DNAH14: variants seen among roughly 807,000 people sequenced by gnomAD.
DNAH14 encodes axonemal beta dynein heavy chain 14.
A neutral mutation model predicts 520.9 loss-of-function variants in DNAH14; 478 were observed. That is an observed-to-expected ratio of 0.92 (90% CI 0.85 to 0.99). DNAH14 has a LOEUF of 0.99. Among genes scored for constraint, DNAH14 ranks in the 50% least tolerant of loss-of-function variants. The pLI, the probability that DNAH14 is intolerant of heterozygous loss-of-function variation, is 0.00. For missense variants in DNAH14, 4,831 were observed against 5,234.5 expected (o/e 0.92, Z 2.38); for synonymous variants, 1,581 against 1,757.2 (o/e 0.90, Z 2.51).
chr1:225,296,474 C>A (rs2094008959), intron 55 of DNAH14, among the ~76,000 whole-genome samples: 1 of 148,926 alleles, frequency 6.7e-6, no homozygotes, highest in Non-Finnish European at 1.5e-5. Flanking sequence ...TTTTGTGTAT[C>A]CTTCCTCTCT....
At chr1:224,964,262 T>C (rs535294996) in intron 4 of DNAH14, among the ~76,000 whole-genome samples, 3 of 152,274 alleles carry the variant, frequency 2.0e-5, no homozygotes, top group African/African-American at 7.2e-5. Context: ...ATTAGGTCTT[T>C]TGTGACATCT....
intron 15 of DNAH14, among the ~76,000 whole-genome samples, chr1:225,049,252 G>T (rs952192176): frequency 6.6e-6 from 1 of 151,208 alleles, no homozygotes; most frequent in African/African-American, 2.4e-5. Context: ...TAGTAGAGAC[G>T]GGGTTTCACC....
chr1:225,260,622 C>A (rs751026172), intron 46 of DNAH14, among the ~76,000 whole-genome samples: 6 of 151,828 alleles, frequency 4.0e-5, no homozygotes, highest in Non-Finnish European at 7.4e-5. Context: ...TTTTCCCCCC[C>A]TCAAGATTGC....
At chr1:225,105,098 T>C (rs746657723) in intron 23 of DNAH14, among the ~76,000 whole-genome samples, 1 of 152,224 alleles carries the variant, frequency 6.6e-6, no homozygotes, top group Non-Finnish European at 1.5e-5. Flanking sequence ...TTAGTTCTCA[T>C]TGGTTTCAAA....
At chr1:225,277,311 T>C in intron 53 of DNAH14, 99 bp from the exon 54 acceptor site, 1 of 397,594 alleles carries the variant, frequency 2.5e-6, no homozygotes, top group South Asian at 2.0e-5. Context: ...GGATTACTAG[T>C]TATTCTCCTT....
chr1:225,375,750 CT>C (rs57680981), intron 78 of DNAH14, among the ~76,000 whole-genome samples: 143 of 144,378 alleles, frequency 9.9e-4, no homozygotes, highest in East Asian at 1.4e-3. Flanking sequence ...GCTATGAGGG[CT>C]TTTTTTTTTT....
intron 35 of DNAH14, among the ~76,000 whole-genome samples, chr1:225,162,665 G>T (rs2081628789): frequency 6.6e-6 from 1 of 152,172 alleles, no homozygotes; most frequent in Non-Finnish European, 1.5e-5. Context: ...TGGAATCCAT[G>T]AACATGGAAT....
At chr1:225,154,189 G>T (rs1009056170) in intron 34 of DNAH14, among the ~76,000 whole-genome samples, 1 of 151,790 alleles carries the variant, frequency 6.6e-6, no homozygotes, top group Non-Finnish European at 1.5e-5. Flanking sequence ...AAACAGGATT[G>T]AAAGAAATGA....
At chr1:224,973,737 A>T (rs1323206949) in intron 7 of DNAH14, among the ~76,000 whole-genome samples, 1 of 152,198 alleles carries the variant, frequency 6.6e-6, no homozygotes, top group Non-Finnish European at 1.5e-5. Flanking sequence ...TTATCACTGA[A>T]AATTGAATCT....
intron 77 of DNAH14, among the ~76,000 whole-genome samples, chr1:225,368,508 G>A (rs1254757999): frequency 6.6e-6 from 1 of 152,172 alleles, no homozygotes; most frequent in Non-Finnish European, 1.5e-5. Context: ...GTTTAGCTCA[G>A]TGGTCTTCCT....
Position 225,272,078 on chromosome 1 carries a change from G to A in DNAH14, c.7839+5G>A. ...AATCTTCGAGATATGTTTAAGGTTTGTTTTAATGTTCATTCTCTAGTTTAT... is the reference window on the plus strand; with the variant it reads ...AATCTTCGAGATATGTTTAAGGTTTATTTTAATGTTCATTCTCTAGTTTAT... On this transcript the variant is annotated splice_donor_5th_base_variant and intron_variant, in intron 51 of 85. Transcript: ENST00000682510. The A allele has an allele frequency of 6.5e-7, 1 of 1,544,280 alleles. No homozygotes were observed.
intron 8 of DNAH14, among the ~76,000 whole-genome samples, chr1:224,999,229 G>A (rs1434290422): frequency 6.6e-6 from 1 of 151,832 alleles, no homozygotes; most frequent in African/African-American, 2.4e-5. Context: ...TTTTTGAGAT[G>A]GAATTTCACT....
intron 17 of DNAH14, among the ~76,000 whole-genome samples, chr1:225,052,764 T>G (rs989797285): frequency 1.5e-4 from 22 of 151,700 alleles, no homozygotes; most frequent in African/African-American, 5.1e-4. Context: ...ATTGCAGGAG[T>G]AGGTTGATTT....
chr1:225,386,616 C>A (rs1212142675), intron 81 of DNAH14, among the ~76,000 whole-genome samples: 6 of 152,280 alleles, frequency 3.9e-5, no homozygotes, highest in East Asian at 3.9e-4. Flanking sequence ...ATGCAGCCAA[C>A]AGACACATGA....
chr1:225,023,361 TGTC>T (rs2065861702), intron 10 of DNAH14, among the ~76,000 whole-genome samples: 1 of 149,602 alleles, frequency 6.7e-6, no homozygotes, highest in African/African-American at 2.5e-5. Flanking sequence ...TAGTCTCCTC[TGTC>T]TTTTTTTTTT....
chr1:224,963,566 T>C lies in DNAH14; in HGVS notation c.368-913T>C, dbSNP rs1352245197. 2.0e-5 allele frequency among the ~76,000 whole-genome samples: 3 copies of C among 152,304 alleles called. No individual in the cohort carries two copies. In the South Asian group the frequency reaches 6.2e-4, roughly 32 times the overall value. On this transcript the variant is annotated intron_variant, in intron 4 of 85. Transcript: ENST00000682510. ...TTAGATTGGCTTATATACATAGTTATATTTCAAGACTCTAATTTTTTTCTA... is the reference window on the plus strand; with the variant it reads ...TTAGATTGGCTTATATACATAGTTACATTTCAAGACTCTAATTTTTTTCTA...
At chr1:224,999,178 T>C (rs1252487158) in intron 8 of DNAH14, among the ~76,000 whole-genome samples, 1 of 152,142 alleles carries the variant, frequency 6.6e-6, no homozygotes, top group Non-Finnish European at 1.5e-5. Context: ...AGCATATAGT[T>C]GTGCCATGGA....
intron 54 of DNAH14, among the ~76,000 whole-genome samples, chr1:225,285,535 ACT>A (rs990161750): frequency 2.6e-5 from 4 of 151,694 alleles, no homozygotes; most frequent in East Asian, 1.9e-4. Context: ...ATAGAGCGAG[ACT>A]CTGTCTCAAA....
chr1:225,130,815 TATAATA>T (rs202010965), intron 27 of DNAH14, among the ~76,000 whole-genome samples: 36,968 of 150,274 alleles, frequency 0.25, 5,400 homozygotes, highest in Non-Finnish European at 0.33. Context: ...AAACTTAAAG[TATAATA>T]ATAATAATAA....
Sources: allele counts gnomAD v4.1 joint callset (sites outside exome capture counted in the v4.1 genomes callset), GRCh38; gene constraint gnomAD v4.1.1; transcripts MANE v1.5; gene names NCBI Gene and HGNC (gene_info 2026-07-23, HGNC 2026-07-21).